Variants in TAFA2 observed in about 807,000 individuals in gnomAD.
The protein encoded by TAFA2 is TAFA chemokine like family member 2.
Under a neutral mutation model 18.8 loss-of-function variants are expected in TAFA2, and 7 were observed. The ratio of observed to expected loss-of-function variants is 0.37; its 90% confidence interval spans 0.21 to 0.70. The LOEUF (loss-of-function observed/expected upper bound fraction) is 0.70. Among genes scored for constraint, TAFA2 ranks in the 30% least tolerant of loss-of-function variants. The probability of loss-of-function intolerance (pLI) is 0.53; values close to 1 mark genes in which losing one functional copy is unlikely to be tolerated. For synonymous variants in TAFA2, 60 were observed against 54.2 expected (o/e 1.11, Z -0.47); for missense variants, 122 against 158.1 (o/e 0.77, Z 1.23).
chr12:61,769,809 T>G (rs1869949149), intron 2 of TAFA2, among the ~76,000 whole-genome samples: 1 of 152,060 alleles, frequency 6.6e-6, no homozygotes, highest in Non-Finnish European at 1.5e-5. Context: ...AAAACAGTTC[T>G]GAAAATATGA....
At chr12:62,031,324 C>T (rs749490230) in intron 1 of TAFA2, among the ~76,000 whole-genome samples, 1 of 152,056 alleles carries the variant, frequency 6.6e-6, no homozygotes, top group African/African-American at 2.4e-5. Flanking sequence ...AGCCTCCCAG[C>T]CTACATCTTT....
chr12:62,257,850 G>C (rs1372377350), intron 1 of TAFA2, among the ~76,000 whole-genome samples: 1 of 152,178 alleles, frequency 6.6e-6, no homozygotes, highest in East Asian at 1.9e-4. Context: ...TAATTATTCA[G>C]TAGGGATGTG....
At chr12:61,715,396 T>C (rs1869606093) in intron 4 of TAFA2, among the ~76,000 whole-genome samples, 1 of 152,034 alleles carries the variant, frequency 6.6e-6, no homozygotes, top group South Asian at 2.1e-4. Flanking sequence ...TCACCCAGGC[T>C]GGAGTGCAGT....
chr12:61,744,040 T>A (rs1048824248), intron 4 of TAFA2, among the ~76,000 whole-genome samples: 19 of 152,106 alleles, frequency 1.2e-4, no homozygotes, highest in African/African-American at 4.6e-4. Context: ...AAGTGTTGCC[T>A]CTCCCAGGAA....
rs552960060 is a variant in TAFA2 at position 62,157,006 on chromosome 12, A to C, written c.-2+34253T>G. 3.3e-5 allele frequency among the ~76,000 whole-genome samples: 5 copies of C among 152,296 alleles called. No homozygotes were observed. The East Asian group carries it at 9.6e-4, about 29-fold the overall frequency. On this transcript the variant is annotated intron_variant, in intron 1 of 4. Transcript: ENST00000416284. ...GTACATTATTTGCCTTGGATGACTA[A>C]ATTTTGTCTAAAATTGGGTATATAT...
At chr12:62,252,441 T>G (rs976706374) in intron 1 of TAFA2, 5 of 152,214 alleles carry the variant, frequency 3.3e-5, no homozygotes, top group Admixed American at 6.5e-5. Context: ...GTGGAAATGC[T>G]CACCTTTTGG....
intron 2 of TAFA2, among the ~76,000 whole-genome samples, chr12:61,793,970 C>T (rs182473217): frequency 5.9e-4 from 90 of 151,924 alleles, no homozygotes; most frequent in Non-Finnish European, 1.0e-3. Flanking sequence ...ATAAATTCAA[C>T]ACAAACTTTT....
intron 1 of TAFA2, among the ~76,000 whole-genome samples, chr12:61,879,128 G>A (rs7307783): frequency 0.72 from 109,281 of 152,056 alleles, 39,677 homozygotes; most frequent in African/African-American, 0.81. Flanking sequence ...AAACGTGATG[G>A]CACCACTACA....
intron 1 of TAFA2, among the ~76,000 whole-genome samples, chr12:61,922,433 G>A (rs1877092616): frequency 6.6e-6 from 1 of 152,108 alleles, no homozygotes; most frequent in Admixed American, 6.5e-5. Flanking sequence ...TTAAAAAGTG[G>A]GTGCAGCCTA....
At chr12:62,257,601 T>C (rs1306936949) in intron 1 of TAFA2, among the ~76,000 whole-genome samples, 10 of 152,210 alleles carry the variant, frequency 6.6e-5, no homozygotes, top group Admixed American at 6.5e-4. Context: ...AGCTTGTTCA[T>C]ATCTAGCCTA....
chr12:61,833,663 T>C (rs1303243835), intron 2 of TAFA2, among the ~76,000 whole-genome samples: 1 of 151,940 alleles, frequency 6.6e-6, no homozygotes, highest in Admixed American at 6.6e-5. Context: ...AACATGATCG[T>C]TTTTCTGTCA....
intron 1 of TAFA2, among the ~76,000 whole-genome samples, chr12:62,165,144 T>C (rs940573973): frequency 6.6e-6 from 1 of 152,108 alleles, no homozygotes; most frequent in South Asian, 2.1e-4. Context: ...GCAAACCTTC[T>C]CAGTGGCTAT....
chr12:61,986,310 T>C (rs1225808086), intron 1 of TAFA2, among the ~76,000 whole-genome samples: 1 of 151,728 alleles, frequency 6.6e-6, no homozygotes, highest in Non-Finnish European at 1.5e-5. Context: ...ATTACAGGCA[T>C]GCACCACCAC....
chr12:62,248,368 G>A (rs945785757), intron 1 of TAFA2, among the ~76,000 whole-genome samples: 10 of 152,156 alleles, frequency 6.6e-5, no homozygotes, highest in African/African-American at 1.7e-4. Context: ...CAAGGAGCTC[G>A]TCTATACATA....
chr12:61,874,060 T>A (rs566059283), intron 1 of TAFA2, among the ~76,000 whole-genome samples: 1 of 152,284 alleles, frequency 6.6e-6, no homozygotes, highest in East Asian at 1.9e-4. Flanking sequence ...TCTTTTCACT[T>A]CATATCATAT....
At chr12:61,919,765 A>G (rs1317117262) in intron 1 of TAFA2, among the ~76,000 whole-genome samples, 1 of 151,868 alleles carries the variant, frequency 6.6e-6, no homozygotes, top group Non-Finnish European at 1.5e-5. Context: ...TATAATTGTC[A>G]ATTTCTACAT....
In TAFA2 at chr12:61,809,017, CT is replaced by C. The variant is rs146151126; in HGVS notation, c.107-53994del. On this transcript the variant is annotated intron_variant, in intron 2 of 4. Transcript: ENST00000416284. ...CACCATTTCTAAGTCTAGAAATAGA[CT>C]TTTTTTTCTAAGTCTAGAAATAGAT... Among the ~76,000 whole-genome samples, 87 of 151,454 alleles carry C rather than the reference CT, an allele frequency of 5.7e-4. 5 individuals are homozygous for C. Among genetic ancestry groups the C allele is most frequent in the African/African-American group, 2.1e-3 (84 of 40,868 alleles).
chr12:61,806,166 T>C (rs1565640487), intron 2 of TAFA2, among the ~76,000 whole-genome samples: 1 of 152,226 alleles, frequency 6.6e-6, no homozygotes, highest in Non-Finnish European at 1.5e-5. Context: ...AAATTGCATA[T>C]GATATTGTTT....
chr12:62,017,424 C>T (rs920871590), intron 1 of TAFA2, among the ~76,000 whole-genome samples: 1 of 152,038 alleles, frequency 6.6e-6, no homozygotes, highest in African/African-American at 2.4e-5. Context: ...TGTATTCTTG[C>T]TATATACAAG....
Sources: allele counts gnomAD v4.1 joint callset (sites outside exome capture counted in the v4.1 genomes callset), GRCh38; gene constraint gnomAD v4.1.1; transcripts MANE v1.5; gene names NCBI Gene and HGNC (gene_info 2026-07-23, HGNC 2026-07-21).